Variants in ANKRD12 observed in about 807,000 individuals in gnomAD.
ANKRD12 encodes the protein ankyrin repeat domain 12, also known as ankyrin repeat domain-containing protein 12.
In ANKRD12, 85 loss-of-function variants were observed where a neutral mutation model predicts 183.4. The observed-to-expected ratio is 0.46, with a 90% CI of 0.39 to 0.56. The LOEUF (loss-of-function observed/expected upper bound fraction) is 0.56. Among genes scored for constraint, ANKRD12 ranks in the 20% least tolerant of loss-of-function variants. The probability of loss-of-function intolerance (pLI) is 0.00; values close to 1 mark genes in which losing one functional copy is unlikely to be tolerated. For missense variants in ANKRD12, 2,405 were observed against 2,357.1 expected (o/e 1.02, Z -0.42); for synonymous variants, 914 against 800.2 (o/e 1.14, Z -2.40).
intron 2 of ANKRD12, among the ~76,000 whole-genome samples, chr18:9,194,681 C>G (rs749171972): frequency 3.9e-5 from 6 of 152,112 alleles, no homozygotes; most frequent in Non-Finnish European, 8.8e-5. Flanking sequence ...AAATAAAATA[C>G]CATCAGTTTG....
At chr18:9,226,165 T>G (rs1428161251) in intron 8 of ANKRD12, among the ~76,000 whole-genome samples, 1 of 152,172 alleles carries the variant, frequency 6.6e-6, no homozygotes, top group Non-Finnish European at 1.5e-5. Flanking sequence ...GGCTCACGCC[T>G]GTAATCCCAG....
intron 1 of ANKRD12, among the ~76,000 whole-genome samples, chr18:9,174,171 T>C (rs1028175349): frequency 6.6e-6 from 1 of 152,176 alleles, no homozygotes; most frequent in Non-Finnish European, 1.5e-5. Flanking sequence ...AACAGCTGGG[T>C]CAACTGAACT....
rs58456955 is a variant in ANKRD12, at chr18:9,285,427, CAAAAAAAAAAAAAA to C, written c.*4311_*4324del. On this transcript the variant is annotated 3_prime_UTR_variant, in exon 13 of 13. Transcript: ENST00000262126. ...GGCAACAAGAGTGAAACTCTGTCTC[CAAAAAAAAAAAAAA>C]AAAAAAAAAGTATATCACATATGTA... is the stretch of plus-strand genomic sequence containing the variant. 1.3e-4 allele frequency: 7 copies of C among 54,526 alleles called. No individual in the cohort carries two copies. Among genetic ancestry groups the C allele is most frequent in the Non-Finnish European group, 2.2e-4 (6 of 27,676 alleles). 3.4% of individuals were successfully genotyped at this position (54,526 alleles called of 1,614,324 possible).
At chr18:9,245,390 A>G (rs2037901724) in intron 8 of ANKRD12, among the ~76,000 whole-genome samples, 1 of 152,110 alleles carries the variant, frequency 6.6e-6, no homozygotes, top group Non-Finnish European at 1.5e-5. Context: ...GGTTGAGGCT[A>G]CAGTGAGCTG....
intron 8 of ANKRD12, among the ~76,000 whole-genome samples, chr18:9,226,920 C>A (rs558468320): frequency 2.6e-5 from 4 of 152,020 alleles, no homozygotes; most frequent in Admixed American, 2.6e-4. Context: ...CCAGATTATC[C>A]GCAGAGATGG....
chr18:9,195,551 A>G lies in ANKRD12; in HGVS notation c.88A>G (p.Ser30Gly), dbSNP rs1182765851. ...NMVEKPYGRK[S>G]KDKIASYSKT... ...TTTACTCTATTTGACTTTTTAATAG[A>G]GTAAAGACAAGATTGCATCCTACAG... Residue 30 changes from serine (S) to glycine (G), a missense_variant and splice_region_variant, in exon 3 of 13, where the codon AGT (serine) becomes GGT (glycine). This residue lies in a region of ANKRD12 where 145 missense variants were observed against 145.6 expected (regional missense o/e 1.00). Coordinates refer to ENST00000262126, the MANE Select transcript of ANKRD12 (RefSeq NM_015208.5). 1.9e-6 allele frequency: 3 copies of G among 1,595,108 alleles called. No homozygotes were observed. The highest frequency in any genetic ancestry group is 2.3e-5 in the South Asian group (2 of 88,832).
chr18:9,160,926 A>G (rs2031318814), intron 1 of ANKRD12, among the ~76,000 whole-genome samples: 1 of 152,228 alleles, frequency 6.6e-6, no homozygotes, highest in South Asian at 2.1e-4. Context: ...TTTAGATTTC[A>G]GGTAAATTTA....
intron 1 of ANKRD12, among the ~76,000 whole-genome samples, chr18:9,165,085 A>G (rs953239720): frequency 6.6e-5 from 10 of 152,092 alleles, no homozygotes; most frequent in Non-Finnish European, 1.2e-4. Context: ...GTGCTCCTGT[A>G]TTGGTTGCAT....
At chr18:9,230,327 C>A (rs1399858994) in intron 8 of ANKRD12, among the ~76,000 whole-genome samples, 2 of 152,036 alleles carry the variant, frequency 1.3e-5, no homozygotes, top group Non-Finnish European at 2.9e-5. Context: ...GTTGTAATGT[C>A]CCCTTTTTTA....
intron 3 of ANKRD12, chr18:9,200,476 T>G (rs2035098866): frequency 6.6e-6 from 1 of 152,240 alleles, no homozygotes; most frequent in Non-Finnish European, 1.5e-5. Flanking sequence ...GCTTTATCAC[T>G]AATTTTTACC....
At chr18:9,270,921 T>C (rs1422628815) in intron 10 of ANKRD12, among the ~76,000 whole-genome samples, 1 of 152,192 alleles carries the variant, frequency 6.6e-6, no homozygotes, top group Non-Finnish European at 1.5e-5. Flanking sequence ...CAAACAACTT[T>C]ACCGTGTGGT....
At chr18:9,190,017 C>T (rs2034354170) in intron 2 of ANKRD12, among the ~76,000 whole-genome samples, 1 of 151,994 alleles carries the variant, frequency 6.6e-6, no homozygotes. Context: ...TGGATTTGGG[C>T]AAAAAAATTG....
chr18:9,157,024 T>C (rs570898521), intron 1 of ANKRD12, among the ~76,000 whole-genome samples: 9 of 152,352 alleles, frequency 5.9e-5, no homozygotes, highest in Non-Finnish European at 1.3e-4. Flanking sequence ...TTACAGAAGA[T>C]GATCAAGTTC....
At chr18:9,280,916 G>C (rs2040083669) in intron 12 of ANKRD12, 25 bp from the exon 13 acceptor site, 1 of 1,588,784 alleles carries the variant, frequency 6.3e-7, no homozygotes, top group African/African-American at 1.4e-5. Flanking sequence ...GAATAATCAA[G>C]TAACTCTTCT....
At chr18:9,278,494 T>C (rs908972621) in intron 11 of ANKRD12, among the ~76,000 whole-genome samples, 3 of 152,230 alleles carry the variant, frequency 2.0e-5, no homozygotes, top group Non-Finnish European at 4.4e-5. Context: ...GAAGAAATTA[T>C]AACTGCTAAA....
rs555609162 is a variant in ANKRD12, at chr18:9,262,950, C to T, written c.5665-840C>T. On this transcript the variant is annotated intron_variant, in intron 9 of 12. Transcript: ENST00000262126. Reference sequence around the variant, plus strand: ...AGAAGTTAGGATTACAGGCATGTGCCACCACACCTGGCTAATTTTTGTATT... The same window carrying T: ...AGAAGTTAGGATTACAGGCATGTGCTACCACACCTGGCTAATTTTTGTATT... 1.1e-4 allele frequency among the ~76,000 whole-genome samples: 16 copies of T among 151,962 alleles called. 1 individual carries two copies. In the South Asian group the frequency reaches 3.3e-3, roughly 32 times the overall value.
chr18:9,252,542 T>C (rs761989474), intron 8 of ANKRD12, among the ~76,000 whole-genome samples: 15 of 152,206 alleles, frequency 9.9e-5, no homozygotes, highest in Non-Finnish European at 2.2e-4. Flanking sequence ...AAAGTAGGCA[T>C]CTTTTAAAAG....
intron 1 of ANKRD12, among the ~76,000 whole-genome samples, chr18:9,142,462 A>C (rs1008032967): frequency 6.6e-6 from 1 of 152,244 alleles, no homozygotes; most frequent in Non-Finnish European, 1.5e-5. Context: ...AGGAAGAGAA[A>C]GGAGAGACAT....
intron 3 of ANKRD12, among the ~76,000 whole-genome samples, chr18:9,197,127 G>A (rs2034881042): frequency 6.6e-6 from 1 of 152,112 alleles, no homozygotes; most frequent in African/African-American, 2.4e-5. Flanking sequence ...ATCTTTTCAT[G>A]AGAGCCTTTG....
Sources: gnomAD v4.1 joint callset for allele counts (sites outside exome capture counted in the v4.1 genomes callset) on GRCh38, gnomAD v4.1.1 for gene constraint, gnomAD v4.1.1 regional missense constraint, MANE v1.5 for transcripts, NCBI Gene and HGNC (gene_info 2026-07-23, HGNC 2026-07-21) for gene names.